Variants in CNR2 observed in about 807,000 individuals in gnomAD.
CNR2 encodes cannabinoid receptor 2 (macrophage).
For missense variants in CNR2, 379 were observed against 439.9 expected (o/e 0.86, Z 1.24); for synonymous variants, 172 against 182.2 (o/e 0.94, Z 0.45).
intron 1 of CNR2, among the ~76,000 whole-genome samples, chr1:23,881,705 G>GT (rs1285784464): frequency 6.6e-6 from 1 of 151,202 alleles, no homozygotes; most frequent in Non-Finnish European, 1.5e-5. Context: ...CCTGACCAAC[G>GT]TGAAGAAACC....
intron 1 of CNR2, among the ~76,000 whole-genome samples, chr1:23,898,337 T>A (rs1331600485): frequency 0.056 from 20 of 358 alleles, no homozygotes; most frequent in Admixed American, 0.19. Context: ...GCGCCCGGCT[T>A]TTTTTTTTTT....
intron 1 of CNR2, among the ~76,000 whole-genome samples, chr1:23,888,400 A>G (rs1169070862): frequency 6.6e-6 from 1 of 152,158 alleles, no homozygotes; most frequent in Non-Finnish European, 1.5e-5. Context: ...TTGAGATGCC[A>G]AATGGGCTGA....
Position 23,873,016 on chromosome 1 carries a change from G to T in CNR2, c.*1519C>A, listed in dbSNP as rs1198107379. The T allele has an allele frequency of 6.6e-6, 1 of 152,178 alleles. No homozygotes were observed. Among genetic ancestry groups the T allele is most frequent in the Non-Finnish European group, 1.5e-5 (1 of 68,034 alleles). 9.4% of individuals were successfully genotyped at this position (152,178 alleles called of 1,614,324 possible). On this transcript the variant is annotated 3_prime_UTR_variant, in exon 2 of 2. Coordinates refer to ENST00000374472, the MANE Select transcript of CNR2 (RefSeq NM_001841.3). ...AGAGCCTGGCTCATGTTTATGAGATGAATGAATAAGTGAATAGCTAGTGGA... is the reference window on the plus strand; with the variant it reads ...AGAGCCTGGCTCATGTTTATGAGATTAATGAATAAGTGAATAGCTAGTGGA...
At chr1:23,901,809 C>A in intron 1 of CNR2, 10 of 1,595,260 alleles carry the variant, frequency 6.3e-6, no homozygotes, top group Middle Eastern at 1.7e-4. Context: ...CCACACAGGC[C>A]TAGCCCCGCA....
chr1:23,886,550 C>T lies in CNR2; in HGVS notation c.-45-10888G>A, dbSNP rs1454230230. ...TGCCGGGGCTAGGTGAGGCCCAAAGCCAGCCACCGCCACCCCCAACATCCC... is the reference window on the plus strand; with the variant it reads ...TGCCGGGGCTAGGTGAGGCCCAAAGTCAGCCACCGCCACCCCCAACATCCC... On this transcript the variant is annotated intron_variant, in intron 1 of 1. Transcript: ENST00000374472. Among the ~76,000 whole-genome samples the T allele has an allele frequency of 2.6e-5, 4 of 152,232 alleles. No homozygotes were observed. The South Asian group carries it at 6.2e-4, about 24-fold the overall frequency.
At chr1:23,906,720 T>A (rs1640491619) in intron 1 of CNR2, among the ~76,000 whole-genome samples, 1 of 151,888 alleles carries the variant, frequency 6.6e-6, no homozygotes, top group Non-Finnish European at 1.5e-5. Context: ...GTTTGCTATA[T>A]GATAAGATAA....
intron 1 of CNR2, among the ~76,000 whole-genome samples, chr1:23,903,596 A>G (rs1640439724): frequency 7.0e-6 from 1 of 142,766 alleles, no homozygotes; most frequent in South Asian, 2.3e-4. Flanking sequence ...AAAAAAAAGC[A>G]TTTCTTTTTA....
intron 1 of CNR2, among the ~76,000 whole-genome samples, chr1:23,879,233 G>T (rs1639938524): frequency 6.6e-6 from 1 of 152,084 alleles, no homozygotes; most frequent in African/African-American, 2.4e-5. Context: ...GGCAGAGGTT[G>T]CAGTGAGCCG....
intron 1 of CNR2, among the ~76,000 whole-genome samples, chr1:23,885,992 A>G (rs904337062): frequency 1.3e-5 from 2 of 151,908 alleles, no homozygotes; most frequent in African/African-American, 4.8e-5. Flanking sequence ...GTTTGAGACC[A>G]ACCTGGCCAA....
intron 1 of CNR2, among the ~76,000 whole-genome samples, chr1:23,906,066 A>G (rs1640481610): frequency 6.6e-6 from 1 of 152,132 alleles, no homozygotes; most frequent in Admixed American, 6.6e-5. Context: ...CTCGGAACCA[A>G]CTGAGAATAA....
chr1:23,877,997 T>A, intron 1 of CNR2, among the ~76,000 whole-genome samples: 1 of 151,928 alleles, frequency 6.6e-6, no homozygotes, highest in Admixed American at 6.6e-5. Context: ...TGAAGAAATT[T>A]CTCACAATGC....
In CNR2 at chr1:23,884,988, G is replaced by C. The variant is rs565405431; in HGVS notation, c.-45-9326C>G. On this transcript the variant is annotated intron_variant, in intron 1 of 1. Transcript: ENST00000374472. ...GCTAATTTTTTGTGTTTTTAGTAGA[G>C]GTGGGGTTTCACCATCTTGGCCATG... is the stretch of plus-strand genomic sequence containing the variant. 2.0e-5 allele frequency among the ~76,000 whole-genome samples: 3 copies of C among 152,132 alleles called. No individual in the cohort carries two copies. The South Asian group carries it at 6.2e-4, about 32-fold the overall frequency.
At chr1:23,898,007 T>G (rs763829981) in intron 1 of CNR2, among the ~76,000 whole-genome samples, 3 of 152,024 alleles carry the variant, frequency 2.0e-5, no homozygotes, top group Non-Finnish European at 4.4e-5. Context: ...AAATCCATAC[T>G]ATATATTTAT....
chr1:23,874,643 C>A lies in CNR2; in HGVS notation c.975G>T (p.Gly325=). Residue 325 remains glycine (G), a synonymous_variant, in exon 2 of 2, where the codon GGG becomes GGT. Transcript: ENST00000374472. ...TCGGGGCTTCTTCTTTTGCCTCTGA[C>A]CCAAGGCCCCTCACACACTTCTTCC... The part of the protein sequence containing the change: ...AHWKKCVRGL[G]SEAKEEAPRS... 3.1e-6 allele frequency: 5 copies of A among 1,614,148 alleles called. No homozygotes were observed. The highest frequency in any genetic ancestry group is 2.2e-5 in the East Asian group (1 of 44,882).
intron 1 of CNR2, among the ~76,000 whole-genome samples, chr1:23,889,628 G>A (rs2501391): frequency 0.84 from 127,385 of 152,142 alleles, 53,466 homozygotes; most frequent in Non-Finnish European, 0.85. Flanking sequence ...CTGACCATCC[G>A]GGCCTTTCTT....
In CNR2 at chr1:23,875,226, C is replaced by T. The variant is rs199691655; in HGVS notation, c.392G>A (p.Arg131Gln). 41 of 1,613,996 alleles carry T rather than the reference C, an allele frequency of 2.5e-5. No homozygotes were observed. Among genetic ancestry groups the T allele is most frequent in the Non-Finnish European group, 3.1e-5 (36 of 1,180,032 alleles). ...VGSLLLTAID[R>Q]YLCLRYPPSY... ...AGGTGGATAGCGCAGGCAGAGGTAT[C>T]GGTCAATGGCGGTCAGCAGGAGGCT... The change falls in exon 2 of 2, where the codon CGA (arginine) becomes CAA (glutamine). Residue 131 changes from arginine (R) to glutamine (Q), a missense_variant. Transcript: ENST00000374472.
chr1:23,900,350 G>A (rs1640377508), intron 1 of CNR2, among the ~76,000 whole-genome samples: 1 of 152,098 alleles, frequency 6.6e-6, no homozygotes, highest in African/African-American at 2.4e-5. Flanking sequence ...CGCACAGCCA[G>A]CTCTGCATAA....
At chr1:23,899,101 G>A (rs1349984818) in intron 1 of CNR2, among the ~76,000 whole-genome samples, 2 of 152,086 alleles carry the variant, frequency 1.3e-5, no homozygotes, top group African/African-American at 4.8e-5. Context: ...AAAGAAATGC[G>A]CTGTCTCCTT....
intron 1 of CNR2, among the ~76,000 whole-genome samples, chr1:23,896,658 G>A (rs964161397): frequency 6.6e-6 from 1 of 152,222 alleles, no homozygotes; most frequent in African/African-American, 2.4e-5. Context: ...GGGTGGGACA[G>A]GAAAGCAGAG....
Sources: gnomAD v4.1 joint callset for allele counts (sites outside exome capture counted in the v4.1 genomes callset) on GRCh38, gnomAD v4.1.1 for gene constraint, MANE v1.5 for transcripts, NCBI Gene and HGNC (gene_info 2026-07-23, HGNC 2026-07-21) for gene names.